Variants in LY6G5B observed in about 807,000 individuals in gnomAD.
LY6G5B encodes the protein lymphocyte antigen 6 complex locus protein G5b.
In LY6G5B, 6 loss-of-function variants were observed where a neutral mutation model predicts 6.7. The observed-to-expected ratio is 0.89, with a 90% confidence interval of 0.49 to 1.76. The LOEUF (loss-of-function observed/expected upper bound fraction) is 1.76. LY6G5B is among the 40% of genes most tolerant of loss of function. LY6G5B has a pLI of 0.01. For missense variants in LY6G5B, 240 were observed against 249.5 expected (o/e 0.96, Z 0.26); for synonymous variants, 98 against 99.4 (o/e 0.99, Z 0.09).
upstream of LY6G5B, chr6:31,670,022 G>A: frequency 2.0e-6 from 2 of 978,126 alleles, no homozygotes; most frequent in Non-Finnish European, 3.0e-6. Context: ...AATTAAAGGA[G>A]TCGTTATCGT....
At position 31,672,383 on chromosome 6, in the gene LY6G5B, C is replaced by T. The variant is rs980443498; in HGVS notation, c.*101C>T. ...TGGTCACTGTGATTTCTTAGGCCTC[C>T]GTCTGTTGTACCACTAGCATCTATA... On this transcript the variant is annotated 3_prime_UTR_variant, in exon 3 of 3. Coordinates refer to ENST00000375864, the Ensembl canonical transcript of LY6G5B. 8 of 1,258,942 alleles carry T rather than the reference C, an allele frequency of 6.4e-6. 1 individual carries two copies. The East Asian group carries it at 7.0e-5, about 11-fold the overall frequency. The allele number at this position is 1,258,942 out of a possible 1,614,324, so 78.0% of individuals were successfully genotyped here.
intron 2 of LY6G5B, 125 bp downstream of exon 2, chr6:31,671,409 C>T (rs1802206966): frequency 5.0e-6 from 7 of 1,388,170 alleles, no homozygotes; most frequent in African/African-American, 1.4e-5. Context: ...AGTGCAATGG[C>T]TCATGCCTGT....
At chr6:31,670,823 A>G (rs1408247680) in exon 1 of LY6G5B, 2 of 953,370 alleles carry the variant, frequency 2.1e-6, no homozygotes, top group Non-Finnish European at 3.2e-6. Context: ...ATAGCTCTGC[A>G]TTTACAGCAG....
At chr6:31,670,037 G>A (rs1802080179), upstream of LY6G5B, 1 of 858,540 alleles carries the variant, frequency 1.2e-6, no homozygotes, top group Non-Finnish European at 1.7e-6. Context: ...TATCGTGGTG[G>A]GAATATGAAA....
At chr6:31,673,013 C>G (rs1802342648) in exon 3 of LY6G5B, 1 of 152,802 alleles carries the variant, frequency 6.5e-6, no homozygotes. Flanking sequence ...CGCCGGTAAT[C>G]CCAGCACTTT....
At chr6:31,670,029 T>G (rs1312535555), upstream of LY6G5B, 3 of 934,230 alleles carry the variant, frequency 3.2e-6, no homozygotes, top group Non-Finnish European at 4.7e-6. Flanking sequence ...GGAGTCGTTA[T>G]CGTGGTGGGA....
exon 1 of LY6G5B, chr6:31,670,323 T>G (rs1802114544): frequency 4.9e-6 from 1 of 204,938 alleles, no homozygotes; most frequent in African/African-American, 2.3e-5. Flanking sequence ...TATGACTGTC[T>G]GTTTATACTG....
chr6:31,671,833 A>G, intron 2 of LY6G5B, 31 bp from the exon 3 acceptor site: 1 of 1,580,460 alleles, frequency 6.3e-7, no homozygotes, highest in African/African-American at 1.3e-5. Flanking sequence ...AAGCTATTGG[A>G]AGGGGTTATC....
chr6:31,672,615 T>G, exon 3 of LY6G5B: 1 of 288,916 alleles, frequency 3.5e-6, no homozygotes, highest in South Asian at 5.5e-5. Context: ...TGGCTAATTT[T>G]TTGTATTTTT....
rs139171582 is a variant in LY6G5B, at chr6:31,670,314, A to C, written c.-637A>C. On this transcript the variant is annotated 5_prime_UTR_variant, in exon 1 of 3. It removes an upstream start codon present in the reference 5' UTR. Coordinates refer to ENST00000375864, the Ensembl canonical transcript of LY6G5B. ...ATGAGAAATATTTGTTTGGATATCT[A>C]TGACTGTCTGTTTATACTGTAAGGG... The C allele has an allele frequency of 9.1e-6, 2 of 219,656 alleles. No individual in the cohort carries two copies. Among genetic ancestry groups the C allele is most frequent in the Non-Finnish European group, 1.8e-5 (2 of 111,054 alleles). The allele number at this position is 219,656 out of a possible 1,614,324, so 13.6% of individuals were successfully genotyped here. A position where few individuals can be genotyped will look rare whatever the true frequency, so the allele number is the denominator to read the frequency against.
exon 3 of LY6G5B, chr6:31,672,046 C>T (rs781209573): frequency 6.2e-7 from 1 of 1,613,132 alleles, no homozygotes; most frequent in Non-Finnish European, 8.5e-7. Flanking sequence ...TGACAGGCCC[C>T]TGGCCCTGCC....
exon 3 of LY6G5B, chr6:31,672,491 G>A (rs888373414): frequency 3.2e-6 from 2 of 621,596 alleles, no homozygotes; most frequent in African/African-American, 1.8e-5. Context: ...GTCACCCAGG[G>A]TGGAGTGCAG....
At chr6:31,671,814 G>A in intron 2 of LY6G5B, 50 bp from the exon 3 acceptor site, 1 of 1,556,988 alleles carries the variant, frequency 6.4e-7, no homozygotes, top group South Asian at 1.2e-5. Flanking sequence ...GGGGTTCTTG[G>A]ACTATGGGAA....
At chr6:31,672,187 T>G in exon 3 of LY6G5B, 2 of 1,613,148 alleles carry the variant, frequency 1.2e-6, no homozygotes, top group Non-Finnish European at 1.7e-6. Context: ...CCTGGGCTTG[T>G]CTTTTGCTGA....
At chr6:31,672,181 G>C (rs1444560442) in exon 3 of LY6G5B, 1 of 1,612,988 alleles carries the variant, frequency 6.2e-7, no homozygotes, top group Non-Finnish European at 8.5e-7. Context: ...CCTGAACCTG[G>C]GCTTGTCTTT....
chr6:31,671,952 C>T (rs1408338228), exon 3 of LY6G5B: 2 of 1,612,996 alleles, frequency 1.2e-6, no homozygotes, highest in Non-Finnish European at 1.7e-6. Flanking sequence ...TTGCAGAGTA[C>T]TGGTATCAGG....
chr6:31,670,943 A>G, exon 1 of LY6G5B: 1 of 1,599,404 alleles, frequency 6.3e-7, no homozygotes, highest in Non-Finnish European at 8.5e-7. Flanking sequence ...TCTCCCCAGA[A>G]TTCCAAAATG....
At chr6:31,670,713 C>G (rs1174478759) in exon 1 of LY6G5B, 2 of 540,334 alleles carry the variant, frequency 3.7e-6, no homozygotes, top group East Asian at 5.9e-5. Context: ...TGGGCCATTA[C>G]TCCCACACTC....
chr6:31,671,253 A>G, exon 2 of LY6G5B: 1 of 1,613,790 alleles, frequency 6.2e-7, no homozygotes, highest in Non-Finnish European at 8.5e-7. Context: ...TCAGCAGCTC[A>G]TCCCTGTGCA....
Sources: gnomAD v4.1 joint callset for allele counts on GRCh38, gnomAD v4.1.1 for gene constraint, MANE v1.5 for transcripts, NCBI Gene and HGNC (gene_info 2026-07-23, HGNC 2026-07-21) for gene names.